The following SORBS2 variants were observed in gnomAD, a reference collection of about 807,000 sequenced individuals.
The protein encoded by SORBS2 is sorbin and SH3 domain-containing protein 2.
A neutral mutation model predicts 97.7 loss-of-function variants in SORBS2; 46 were observed. The observed-to-expected ratio is 0.47, with a 90% CI of 0.37 to 0.60. The LOEUF (loss-of-function observed/expected upper bound fraction) is 0.60, where lower values mean the gene tolerates loss of function less well. SORBS2 is among the 20% of genes least tolerant of loss of function. The probability of loss-of-function intolerance (pLI) is 0.00; values close to 1 mark genes in which losing one functional copy is unlikely to be tolerated. For missense variants in SORBS2, 1,316 were observed against 1,282.3 expected (o/e 1.03, Z -0.40); for synonymous variants, 476 against 473.4 (o/e 1.01, Z -0.07).
chr4:185,738,175 C>CCCTTT (rs1165619879), intron 2 of SORBS2, among the ~76,000 whole-genome samples: 1 of 152,228 alleles, frequency 6.6e-6, no homozygotes, highest in Non-Finnish European at 1.5e-5. Flanking sequence ...TAGAACAATA[C>CCCTTT]CCTTTCCACA....
At chr4:185,698,044 C>T (rs1029383839) in intron 2 of SORBS2, among the ~76,000 whole-genome samples, 4 of 152,076 alleles carry the variant, frequency 2.6e-5, no homozygotes, top group Admixed American at 2.0e-4. Context: ...TTGAGATCAA[C>T]CAACTCATTT....
intron 2 of SORBS2, among the ~76,000 whole-genome samples, chr4:185,741,360 G>A (rs181597630): frequency 6.6e-6 from 1 of 151,018 alleles, no homozygotes; most frequent in Non-Finnish European, 1.5e-5. Flanking sequence ...AGGCCCAAGA[G>A]CTGCCCTCTC....
chr4:185,840,805 C>A (rs1471414912), intron 1 of SORBS2, among the ~76,000 whole-genome samples: 1 of 152,160 alleles, frequency 6.6e-6, no homozygotes, highest in Non-Finnish European at 1.5e-5. Flanking sequence ...GCAACAGAAT[C>A]CAGCTCTGGA....
intron 4 of SORBS2, among the ~76,000 whole-genome samples, chr4:185,632,597 A>T (rs1164978931): frequency 1.3e-5 from 2 of 152,366 alleles, no homozygotes; most frequent in African/African-American, 4.8e-5. Context: ...GCCTGAGAGC[A>T]TCGGCGTCTG....
At chr4:185,612,168 A>G (rs2096549053) in intron 11 of SORBS2, among the ~76,000 whole-genome samples, 188 bp from the exon 24 acceptor site, 1 of 152,226 alleles carries the variant, frequency 6.6e-6, no homozygotes, top group Non-Finnish European at 1.5e-5. Flanking sequence ...ATCAACATAT[A>G]TGTAATTGAA....
intron 1 of SORBS2, among the ~76,000 whole-genome samples, chr4:185,840,836 G>A (rs1008016909): frequency 1.3e-5 from 2 of 152,104 alleles, no homozygotes; most frequent in African/African-American, 2.4e-5. Flanking sequence ...TCACTAGGAG[G>A]GAGGCAGACC....
chr4:185,919,159 G>A (rs753057528), intron 1 of SORBS2: 5 of 152,156 alleles, frequency 3.3e-5, no homozygotes, highest in Non-Finnish European at 7.3e-5. Flanking sequence ...AACCAGCATA[G>A]TTAACCCATC....
At chr4:185,703,346 T>C (rs1380530099) in intron 2 of SORBS2, among the ~76,000 whole-genome samples, 1 of 152,174 alleles carries the variant, frequency 6.6e-6, no homozygotes, top group African/African-American at 2.4e-5. Flanking sequence ...CATTGATTCT[T>C]TTTTTATTCT....
intron 12 of SORBS2, among the ~76,000 whole-genome samples, chr4:185,598,303 G>A (rs1192010254): frequency 7.6e-6 from 1 of 131,484 alleles, no homozygotes; most frequent in Non-Finnish European, 1.7e-5. Context: ...CTGTAGCCCT[G>A]ACTATGTAAG....
intron 2 of SORBS2, among the ~76,000 whole-genome samples, chr4:185,762,247 C>A (rs1271324538): frequency 6.6e-6 from 1 of 152,098 alleles, no homozygotes; most frequent in Non-Finnish European, 1.5e-5. Flanking sequence ...CAAGATCCAG[C>A]CCTGGGAAGG....
chr4:185,733,314 G>C (rs1279123071), intron 2 of SORBS2, among the ~76,000 whole-genome samples: 1 of 152,042 alleles, frequency 6.6e-6, no homozygotes. Flanking sequence ...AGTGATATGT[G>C]GTGGTGGTAA....
At chr4:185,630,463 T>G in intron 5 of SORBS2, 86 bp downstream of exon 17, 1 of 739,614 alleles carries the variant, frequency 1.4e-6, no homozygotes. Context: ...TACATGATAC[T>G]CATTACTACT....
At chr4:185,658,306 G>A (rs2097443367), upstream of SORBS2, among the ~76,000 whole-genome samples, 1 of 152,060 alleles carries the variant, frequency 6.6e-6, no homozygotes. Context: ...ATTTAGATGA[G>A]GCTTATCGAG....
intron 4 of SORBS2, among the ~76,000 whole-genome samples, chr4:185,632,448 G>A (rs1214945176): frequency 6.6e-6 from 1 of 152,140 alleles, no homozygotes; most frequent in African/African-American, 2.4e-5. Flanking sequence ...AATTTGCTGA[G>A]CTCTGAATCA....
chr4:185,803,310 A>C (rs1347387202), intron 1 of SORBS2, among the ~76,000 whole-genome samples: 2 of 152,198 alleles, frequency 1.3e-5, no homozygotes, highest in Non-Finnish European at 2.9e-5. Flanking sequence ...ATTAAATACC[A>C]GAGCCAAAAA....
chr4:185,620,895 A>G (rs1279139860), intron 7 of SORBS2, among the ~76,000 whole-genome samples: 3 of 152,238 alleles, frequency 2.0e-5, no homozygotes, highest in Non-Finnish European at 2.9e-5. Flanking sequence ...TGAAATATTG[A>G]ATTATTTTTG....
chr4:185,729,315 ATC>A (rs2098594923), intron 2 of SORBS2, among the ~76,000 whole-genome samples: 1 of 152,214 alleles, frequency 6.6e-6, no homozygotes, highest in African/African-American at 2.4e-5. Context: ...CTTTCTACTC[ATC>A]TCTTTCTGGG....
At position 185,611,682 on chromosome 4, in the gene SORBS2, A is replaced by G. The variant is rs540197520; in HGVS notation, c.2796+98T>C. 3.4e-5 allele frequency: 31 copies of G among 912,380 alleles called. No individual in the cohort carries two copies. The African/African-American group carries it at 4.9e-4, about 15-fold the overall frequency. The allele number at this position is 912,380 out of a possible 1,614,324, so 56.5% of individuals were successfully genotyped here. Reference sequence around the variant, plus strand: ...TAATATGTAAATCTCTTTCTCTGCAATAGATATGATATTCTAATCTAATAT... The same window carrying G: ...TAATATGTAAATCTCTTTCTCTGCAGTAGATATGATATTCTAATCTAATAT... On this transcript the variant is annotated intron_variant, in intron 12 of 14. Coordinates refer to ENST00000418609, the Ensembl canonical transcript of SORBS2.
intron 4 of SORBS2, among the ~76,000 whole-genome samples, chr4:185,669,045 G>A (rs944892642): frequency 6.6e-6 from 1 of 152,190 alleles, no homozygotes; most frequent in Non-Finnish European, 1.5e-5. Flanking sequence ...GAGCTTCTTC[G>A]TCCAAATGAC....
Sources: gnomAD v4.1 joint callset for allele counts (sites outside exome capture counted in the v4.1 genomes callset) on GRCh38, gnomAD v4.1.1 for gene constraint, MANE v1.5 for transcripts, NCBI Gene and HGNC (gene_info 2026-07-23, HGNC 2026-07-21) for gene names.